The following NAALADL2 variants were observed in gnomAD, a reference collection of about 807,000 sequenced individuals.
NAALADL2 encodes the protein inactive N-acetylated-alpha-linked acidic dipeptidase-like protein 2.
Under a neutral mutation model 87.2 loss-of-function variants are expected in NAALADL2, and 76 were observed. The observed-to-expected ratio is 0.87, with a 90% CI of 0.72 to 1.05. The LOEUF (loss-of-function observed/expected upper bound fraction) is 1.05, where lower values mean the gene tolerates loss of function less well. Ranked by LOEUF, NAALADL2 falls within the 50% of genes least tolerant of loss-of-function variation. The pLI is 0.00. For missense variants in NAALADL2, 1,089 were observed against 945.8 expected, an observed-to-expected ratio of 1.15 and a Z score of -1.99; for synonymous variants, 354 against 331.0, an observed-to-expected ratio of 1.07 and a Z score of -0.75.
chr3:175,092,951 G>C (rs1164431347), intron 1 of NAALADL2, among the ~76,000 whole-genome samples: 2 of 151,748 alleles, frequency 1.3e-5, no homozygotes, highest in Non-Finnish European at 3.0e-5. Flanking sequence ...ACATGTAAGG[G>C]TGTTACAGAT....
chr3:174,629,882 C>A (rs1429959653), intron 2 of NAALADL2, among the ~76,000 whole-genome samples: 1 of 152,146 alleles, frequency 6.6e-6, no homozygotes. Flanking sequence ...CAATTTTGCC[C>A]TGGACCACAA....
intron 1 of NAALADL2, among the ~76,000 whole-genome samples, chr3:174,960,894 G>T (rs754139993): frequency 2.6e-5 from 4 of 151,594 alleles, no homozygotes; most frequent in Non-Finnish European, 4.4e-5. Flanking sequence ...AAAATTTGCT[G>T]TGTGTCACTG....
intron 2 of NAALADL2, among the ~76,000 whole-genome samples, chr3:174,640,925 T>A (rs73044525): frequency 0.044 from 6,754 of 152,200 alleles, 531 homozygotes; most frequent in African/African-American, 0.15. Flanking sequence ...TTATTAAAAA[T>A]GCCTGTTGTG....
At chr3:174,775,691 T>C (rs1715126376) in intron 3 of NAALADL2, among the ~76,000 whole-genome samples, 3 of 152,022 alleles carry the variant, frequency 2.0e-5, no homozygotes, top group African/African-American at 7.2e-5. Flanking sequence ...AGAACAAAGG[T>C]TGTCCACTGG....
chr3:175,286,836 A>C (rs1475848677), intron 4 of NAALADL2, among the ~76,000 whole-genome samples: 1 of 152,100 alleles, frequency 6.6e-6, no homozygotes, highest in Non-Finnish European at 1.5e-5. Context: ...TCATGCCTGT[A>C]ATTGCAGCCC....
At chr3:175,082,334 A>G (rs1580346863) in intron 1 of NAALADL2, among the ~76,000 whole-genome samples, 1 of 152,234 alleles carries the variant, frequency 6.6e-6, no homozygotes, top group Non-Finnish European at 1.5e-5. Context: ...GAAGTTTATT[A>G]TAAATATGTA....
rs190957551 is a variant in NAALADL2, at chr3:175,451,306, G to T, written c.1234+3934G>T. Among the ~76,000 whole-genome samples the T allele has an allele frequency of 3.0e-4, 46 of 152,040 alleles. 1 individual carries two copies. The East Asian group carries it at 8.9e-3, about 29-fold the overall frequency. On this transcript the variant is annotated intron_variant, in intron 6 of 13. Coordinates refer to ENST00000454872, the MANE Select transcript of NAALADL2 (RefSeq NM_207015.3). ...TCAGCAAATTGAAGTGGACAGCTGGGCATTTGTATCGCTGCGAGAACTAAA... is the reference window on the plus strand; with the variant it reads ...TCAGCAAATTGAAGTGGACAGCTGGTCATTTGTATCGCTGCGAGAACTAAA...
intron 1 of NAALADL2, chr3:175,059,574 C>T: frequency 3.2e-6 from 1 of 315,552 alleles, no homozygotes; most frequent in Non-Finnish European, 6.0e-6. Context: ...TTTGCCATAT[C>T]TGCCACATCA....
intron 9 of NAALADL2, among the ~76,000 whole-genome samples, chr3:175,505,621 AAG>A (rs1292342966): frequency 6.6e-6 from 1 of 152,154 alleles, no homozygotes; most frequent in Non-Finnish European, 1.5e-5. Context: ...TTGAATTCAG[AAG>A]AGAGAGAAAC....
chr3:174,867,722 A>C (rs923055115), intron 1 of NAALADL2, among the ~76,000 whole-genome samples: 1 of 152,118 alleles, frequency 6.6e-6, no homozygotes, highest in African/African-American at 2.4e-5. Flanking sequence ...GTACAAAACA[A>C]AATAAAACAA....
chr3:175,006,186 T>C (rs1442778667), intron 1 of NAALADL2, among the ~76,000 whole-genome samples: 2 of 152,290 alleles, frequency 1.3e-5, no homozygotes, highest in African/African-American at 4.8e-5. Context: ...CCCCCATTTC[T>C]ATGAAGCTTT....
intron 2 of NAALADL2, among the ~76,000 whole-genome samples, chr3:175,206,727 G>GA (rs1410447307): frequency 6.6e-6 from 1 of 152,026 alleles, no homozygotes; most frequent in Non-Finnish European, 1.5e-5. Context: ...AGAGCATAGA[G>GA]AAAACCAACA....
rs11924811 is a variant in NAALADL2 at position 174,587,373 on chromosome 3, A to G, written c.-115+36736A>G. Reference sequence around the variant, plus strand: ...TTTAATTGGAGCATTTAGCCCATTTACATTTAAGGTTAATATTGTTATGTG... The same window carrying G: ...TTTAATTGGAGCATTTAGCCCATTTGCATTTAAGGTTAATATTGTTATGTG... On this transcript the variant is annotated intron_variant, in intron 2 of 3. Coordinates refer to the NAALADL2 transcript ENST00000434257. Among the ~76,000 whole-genome samples, 458 of 152,232 alleles carry G rather than the reference A, an allele frequency of 3.0e-3. 2 individuals carry two copies. The highest frequency in any genetic ancestry group is 0.011 in the African/African-American group (437 of 41,542).
At chr3:175,258,319 A>AC (rs1414179327) in intron 4 of NAALADL2, among the ~76,000 whole-genome samples, 4,382 of 97,740 alleles carry the variant, frequency 0.045, 165 homozygotes, top group Middle Eastern at 0.11. Context: ...CTCCGCCCCC[A>AC]CCACCAAAAA....
intron 9 of NAALADL2, among the ~76,000 whole-genome samples, chr3:175,533,303 C>T (rs1002685849): frequency 1.3e-5 from 2 of 152,212 alleles, no homozygotes; most frequent in African/African-American, 4.8e-5. Context: ...CCTCATGGGT[C>T]ACACAATCAC....
At chr3:175,739,014 A>G (rs1020852394) in intron 12 of NAALADL2, among the ~76,000 whole-genome samples, 1 of 152,098 alleles carries the variant, frequency 6.6e-6, no homozygotes, top group Non-Finnish European at 1.5e-5. Context: ...TTCTATTGGT[A>G]TTCCATATAA....
At chr3:175,323,996 C>T (rs1191008820) in intron 4 of NAALADL2, among the ~76,000 whole-genome samples, 179 bp from the exon 5 acceptor site, 58 of 127,784 alleles carry the variant, frequency 4.5e-4, no homozygotes, top group African/African-American at 1.5e-3. Flanking sequence ...CCAGCCTGGG[C>T]GACAGAGCGA....
intron 11 of NAALADL2, among the ~76,000 whole-genome samples, chr3:175,730,312 A>G (rs1294789876): frequency 6.7e-6 from 1 of 149,246 alleles, no homozygotes; most frequent in Non-Finnish European, 1.5e-5. Flanking sequence ...GTTATCCCAT[A>G]TAAAAGTTTA....
intron 3 of NAALADL2, among the ~76,000 whole-genome samples, chr3:174,739,928 T>C (rs917284920): frequency 2.6e-5 from 4 of 152,046 alleles, no homozygotes; most frequent in Admixed American, 6.5e-5. Context: ...ACAATAAACA[T>C]ATAAATGAAA....
Sources: gnomAD v4.1 joint callset for allele counts (sites outside exome capture counted in the v4.1 genomes callset) on GRCh38, gnomAD v4.1.1 for gene constraint, MANE v1.5 for transcripts, NCBI Gene and HGNC (gene_info 2026-07-23, HGNC 2026-07-21) for gene names.